The following SCAF4 variants were observed in gnomAD, a reference collection of about 807,000 sequenced individuals.
SCAF4 encodes SR-related CTD associated factor 4, also known as SR-related and CTD-associated factor 4.
SCAF4 carries 25 observed loss-of-function variants against 129.8 expected under a neutral mutation model. That is an observed-to-expected ratio of 0.19 (90% confidence interval 0.14 to 0.27). The LOEUF is 0.27. Ranked by LOEUF, SCAF4 falls within the 10% of genes least tolerant of loss-of-function variation. The pLI is 1.00. For missense variants in SCAF4, 1,246 were observed against 1,457.1 expected, an observed-to-expected ratio of 0.86 and a Z score of 2.36; for synonymous variants, 551 against 497.7, an observed-to-expected ratio of 1.11 and a Z score of -1.43.
chr21:31,691,114 A>G (rs1385121484), intron 14 of SCAF4, among the ~76,000 whole-genome samples, 161 bp from the exon 15 acceptor site: 1 of 152,186 alleles, frequency 6.6e-6, no homozygotes, highest in Admixed American at 6.5e-5. Flanking sequence ...CTCACTACAG[A>G]ACTGGTTACC....
At chr21:31,687,553 A>G (rs1246612073) in intron 16 of SCAF4, among the ~76,000 whole-genome samples, 3 of 152,214 alleles carry the variant, frequency 2.0e-5, no homozygotes, top group Admixed American at 6.5e-5. Flanking sequence ...TATAATAAGA[A>G]CACATCTTCA....
At position 31,672,139 on chromosome 21, in the gene SCAF4, G is replaced by A; in HGVS notation, c.2704C>T (p.Pro902Ser). Residue 902 changes from proline (P) to serine (S), a missense_variant, in exon 20 of 20, where the codon CCT becomes TCT. Pro to Ser is a moderately conservative substitution (Grantham distance 74). Transcript: ENST00000286835. Reference sequence around the variant, plus strand: ...GGGAAGGGACCTTTCATTCCATGAGGTGGAGGCATCGCAAAGCCCCCTGGT... The same window carrying A: ...GGGAAGGGACCTTTCATTCCATGAGATGGAGGCATCGCAAAGCCCCCTGGT... ...PGPGGFAMPPPHGMKGPFPPH... is the reference protein window; with the variant it reads ...PGPGGFAMPPSHGMKGPFPPH... 1.2e-6 allele frequency: 2 copies of A among 1,607,710 alleles called. No homozygotes were observed. Among genetic ancestry groups the A allele is most frequent in the Admixed American group, 1.7e-5 (1 of 59,648 alleles).
intron 1 of SCAF4, among the ~76,000 whole-genome samples, chr21:31,710,541 T>C (rs548480558): frequency 8.2e-4 from 125 of 152,138 alleles, no homozygotes; most frequent in African/African-American, 2.8e-3. Context: ...AGACCGAGAC[T>C]CCGTCTCCAA....
At chr21:31,704,037 T>C (rs184078738) in intron 3 of SCAF4, 111 bp from the exon 4 acceptor site, 1 of 602,782 alleles carries the variant, frequency 1.7e-6, no homozygotes, top group East Asian at 2.7e-5. Flanking sequence ...ATTGCTTTTG[T>C]TTAAAAACTA....
intron 12 of SCAF4, 82 bp downstream of exon 12, chr21:31,693,212 G>T: frequency 2.0e-6 from 2 of 999,460 alleles, no homozygotes; most frequent in Non-Finnish European, 2.8e-6. Context: ...TTCTTTTATA[G>T]TTTTGCTAAC....
rs948158391 is a variant in SCAF4 at position 31,706,367 on chromosome 21, C to CA, written c.31-11dup. On this transcript the variant is annotated splice_polypyrimidine_tract_variant and intron_variant, in intron 1 of 19. Transcript: ENST00000286835. ...CCATAAGCGAAAAGAGCTTAAAAGA[C>CA]AAAAAACAAACAAAAAGTAAAGTTT... 7.6e-6 allele frequency: 12 copies of CA among 1,572,182 alleles called. No individual in the cohort carries two copies. In the African/African-American group the frequency reaches 1.4e-4, roughly 18 times the overall value.
At chr21:31,695,279 A>C (rs1355725120) in intron 9 of SCAF4, among the ~76,000 whole-genome samples, 3 of 152,222 alleles carry the variant, frequency 2.0e-5, no homozygotes, top group Non-Finnish European at 1.5e-5. Context: ...CTGAACTTCA[A>C]GTCAGAAGTA....
intron 1 of SCAF4, among the ~76,000 whole-genome samples, chr21:31,715,250 CCTT>C (rs1568859891): frequency 1.3e-5 from 2 of 151,894 alleles, no homozygotes; most frequent in African/African-American, 4.8e-5. Context: ...AGCATCTTCT[CCTT>C]CTATCTCTTC....
rs954237202 is a variant in SCAF4, at chr21:31,722,951, TA to T, written c.30+8711del. ...CTGGGTGACAGAGCAAGACTCCATCTAAAAAAAAAGTCATTACACTCAATGC... is the reference window on the plus strand; with the variant it reads ...CTGGGTGACAGAGCAAGACTCCATCTAAAAAAAAGTCATTACACTCAATGC... On this transcript the variant is annotated intron_variant, in intron 1 of 19. Coordinates refer to ENST00000286835, the MANE Select transcript of SCAF4 (RefSeq NM_020706.2). Among the ~76,000 whole-genome samples the T allele has an allele frequency of 7.3e-5, 11 of 150,940 alleles. No individual in the cohort carries two copies. The South Asian group carries it at 1.5e-3, about 20-fold the overall frequency.
At chr21:31,701,304 T>C (rs969264944) in intron 6 of SCAF4, 133 bp from the exon 7 acceptor site, 1 of 670,800 alleles carries the variant, frequency 1.5e-6, no homozygotes, top group Non-Finnish European at 2.3e-6. Flanking sequence ...AAAAAATCCT[T>C]TTATGAATGG....
At chr21:31,713,461 A>T (rs896613155) in intron 1 of SCAF4, among the ~76,000 whole-genome samples, 3 of 152,204 alleles carry the variant, frequency 2.0e-5, no homozygotes, top group African/African-American at 7.2e-5. Context: ...GTAAATACAC[A>T]ATAGATATTA....
intron 1 of SCAF4, among the ~76,000 whole-genome samples, chr21:31,731,295 G>A (rs1281529348): frequency 6.6e-6 from 1 of 152,216 alleles, no homozygotes; most frequent in African/African-American, 2.4e-5. Flanking sequence ...CCCTTTGCGG[G>A]CTCCCGGCAC....
intron 15 of SCAF4, among the ~76,000 whole-genome samples, chr21:31,690,562 C>A (rs1277764110): frequency 6.6e-6 from 1 of 152,214 alleles, no homozygotes; most frequent in Non-Finnish European, 1.5e-5. Flanking sequence ...AGGAAAAGTT[C>A]TACTTAATTC....
chr21:31,729,033 A>G (rs1020184643), intron 1 of SCAF4, among the ~76,000 whole-genome samples: 3 of 152,134 alleles, frequency 2.0e-5, no homozygotes, highest in African/African-American at 7.2e-5. Context: ...TACACTTGCC[A>G]AGTTCAGGTT....
intron 1 of SCAF4, among the ~76,000 whole-genome samples, chr21:31,731,147 G>T (rs1343318637): frequency 1.3e-5 from 2 of 152,226 alleles, no homozygotes; most frequent in Non-Finnish European, 2.9e-5. Context: ...CCAGACCCGG[G>T]ATCAGAGTCC....
intron 1 of SCAF4, among the ~76,000 whole-genome samples, chr21:31,722,384 T>C (rs1308802382): frequency 6.6e-6 from 1 of 152,186 alleles, no homozygotes; most frequent in Non-Finnish European, 1.5e-5. Context: ...TTCAAAATTA[T>C]AGCTGTGTCC....
chr21:31,721,546 G>C (rs2051066711), intron 1 of SCAF4, among the ~76,000 whole-genome samples: 1 of 152,070 alleles, frequency 6.6e-6, no homozygotes, highest in South Asian at 2.1e-4. Flanking sequence ...TATTGCAGAG[G>C]GAGACTTTAC....
chr21:31,690,464 TAC>T (rs1220887546), intron 15 of SCAF4, among the ~76,000 whole-genome samples: 1 of 152,054 alleles, frequency 6.6e-6, no homozygotes, highest in Non-Finnish European at 1.5e-5. Flanking sequence ...CAGCCTGGGC[TAC>T]AGAGACTCCA....
chr21:31,682,029 A>G (rs1231217471), intron 19 of SCAF4, among the ~76,000 whole-genome samples: 3 of 152,208 alleles, frequency 2.0e-5, no homozygotes, highest in Non-Finnish European at 4.4e-5. Context: ...CTAAACTGAC[A>G]CATTTTCTCA....
Sources: gnomAD v4.1 joint callset for allele counts (sites outside exome capture counted in the v4.1 genomes callset) on GRCh38, gnomAD v4.1.1 for gene constraint, MANE v1.5 for transcripts, NCBI Gene and HGNC (gene_info 2026-07-23, HGNC 2026-07-21) for gene names.